BZW2: variants seen among roughly 807,000 people sequenced by gnomAD.
The protein encoded by BZW2 is basic leucine zipper and W2 domains 2, also known as eIF5-mimic protein 1.
A neutral mutation model predicts 53.2 loss-of-function variants in BZW2; 23 were observed. That is an observed-to-expected ratio of 0.43 (90% confidence interval 0.31 to 0.61). The LOEUF (loss-of-function observed/expected upper bound fraction) is 0.61, where lower values mean the gene tolerates loss of function less well. Ranked by LOEUF, BZW2 falls within the 20% of genes least tolerant of loss-of-function variation. BZW2 has a pLI of 0.09. For synonymous variants in BZW2, 227 were observed against 186.4 expected, an observed-to-expected ratio of 1.22 and a Z score of -1.77; for missense variants, 409 against 503.1, an observed-to-expected ratio of 0.81 and a Z score of 1.79.
Position 16,646,204 on chromosome 7 carries a change from T to A in BZW2, c.-92T>A, listed in dbSNP as rs1781855834. The A allele has an allele frequency of 3.0e-5, 8 of 269,650 alleles. No homozygotes were observed. The highest frequency in any genetic ancestry group is 2.3e-4 in the South Asian group (7 of 30,898). 16.7% of individuals were successfully genotyped at this position (269,650 alleles called of 1,614,324 possible). A position where few individuals can be genotyped will look rare whatever the true frequency, so the allele number is the denominator to read the frequency against. ...TCACTCCTCCATTGTCTGCCGCCAC[T>A]GCTGCTGCTGCTGCTGCTGCCGCTG... On this transcript the variant is annotated 5_prime_UTR_variant, in exon 1 of 12. Coordinates refer to ENST00000258761, the MANE Select transcript of BZW2 (RefSeq NM_014038.3).
intron 8 of BZW2, among the ~76,000 whole-genome samples, chr7:16,695,512 C>G (rs1783451827): frequency 6.6e-6 from 1 of 152,166 alleles, no homozygotes; most frequent in Non-Finnish European, 1.5e-5. Flanking sequence ...CCCACTCACA[C>G]TTGGAAGAGC....
At chr7:16,689,506 T>G (rs1324821830) in intron 6 of BZW2, among the ~76,000 whole-genome samples, 3 of 152,158 alleles carry the variant, frequency 2.0e-5, no homozygotes, top group African/African-American at 4.8e-5. Context: ...AGATACTGGG[T>G]GTGAAATATG....
At chr7:16,698,608 A>T (rs541202014) in intron 10 of BZW2, among the ~76,000 whole-genome samples, 1 of 152,250 alleles carries the variant, frequency 6.6e-6, no homozygotes, top group East Asian at 1.9e-4. Context: ...TAGCCTTTTT[A>T]CTTTGTATTT....
At chr7:16,698,538 T>C (rs955414813) in intron 10 of BZW2, among the ~76,000 whole-genome samples, 2 of 152,216 alleles carry the variant, frequency 1.3e-5, no homozygotes, top group African/African-American at 4.8e-5. Context: ...AAATAGTATA[T>C]ATATTATGTT....
At chr7:16,696,559 A>G (rs2128368360) in intron 8 of BZW2, among the ~76,000 whole-genome samples, 1 of 152,210 alleles carries the variant, frequency 6.6e-6, no homozygotes, top group African/African-American at 2.4e-5. Flanking sequence ...AAAGTTCACA[A>G]CGCTGTTGCC....
At chr7:16,672,105 C>T (rs940353476) in intron 2 of BZW2, among the ~76,000 whole-genome samples, 1 of 152,150 alleles carries the variant, frequency 6.6e-6, no homozygotes, top group Non-Finnish European at 1.5e-5. Context: ...CAGATAATTG[C>T]TTTGTTCCCA....
chr7:16,674,359 C>T (rs1162939592), intron 2 of BZW2, 53 bp from the exon 3 acceptor site: 26 of 1,331,316 alleles, frequency 2.0e-5, no homozygotes, highest in Admixed American at 4.5e-5. Context: ...GATTGTTATA[C>T]TCTCAGTATT....
At position 16,678,524 on chromosome 7, in the gene BZW2, C is replaced by T. The variant is rs150315810; in HGVS notation, c.236-2777C>T. On this transcript the variant is annotated intron_variant, in intron 3 of 11. Coordinates refer to ENST00000258761, the MANE Select transcript of BZW2 (RefSeq NM_014038.3). The stretch of plus-strand genomic sequence containing the variant: ...GCAAAAATTTTAATGCAAGATGTAG[C>T]AATATTATTAATATGTAATAAGTGT... Among the ~76,000 whole-genome samples the T allele has an allele frequency of 4.6e-5, 7 of 152,206 alleles. No individual in the cohort carries two copies. In the East Asian group the frequency reaches 1.2e-3, roughly 25 times the overall value.
At chr7:16,658,520 G>A (rs926816569) in intron 1 of BZW2, among the ~76,000 whole-genome samples, 1 of 152,036 alleles carries the variant, frequency 6.6e-6, no homozygotes, top group African/African-American at 2.4e-5. Flanking sequence ...TTTTCTGAAA[G>A]GAGATTTGCA....
chr7:16,667,719 T>A lies in BZW2; in HGVS notation c.58+2218T>A, dbSNP rs144824443. On this transcript the variant is annotated intron_variant, in intron 2 of 11. Transcript: ENST00000258761. Reference sequence around the variant, plus strand: ...AGTAAAATATAAAAATTAAAAAAAATTCAAGTGACCGGAAAATAGTTACTT... The same window carrying A: ...AGTAAAATATAAAAATTAAAAAAAAATCAAGTGACCGGAAAATAGTTACTT... Among the ~76,000 whole-genome samples the A allele has an allele frequency of 1.1e-4, 16 of 152,326 alleles. No homozygotes were observed. In the East Asian group the frequency reaches 2.5e-3, roughly 24 times the overall value.
At chr7:16,666,362 C>G (rs978100803) in intron 2 of BZW2, among the ~76,000 whole-genome samples, 1 of 148,892 alleles carries the variant, frequency 6.7e-6, no homozygotes, top group Admixed American at 6.7e-5. Flanking sequence ...TGGATGTGAG[C>G]CACTGCACCT....
chr7:16,694,984 C>G lies in BZW2; in HGVS notation c.802C>G (p.Gln268Glu). The G allele has an allele frequency of 6.3e-7, 1 of 1,582,438 alleles. No individual in the cohort carries two copies. Among genetic ancestry groups the G allele is most frequent in the Non-Finnish European group, 8.7e-7 (1 of 1,155,534 alleles). The stretch of plus-strand genomic sequence containing the variant: ...GAAGGAGCTCCAGGAGCGTCTTTCT[C>G]AGGAATGCCCGATCAAGGAGGTGGG... ...LQKELQERLS[Q>E]ECPIKEVVLY... The change falls in exon 8 of 12, where the codon CAG (glutamine) becomes GAG (glutamate). Residue 268 changes from glutamine (Q) to glutamate (E), a missense_variant. Gln to Glu is a conservative substitution (Grantham distance 29). Coordinates refer to ENST00000258761, the MANE Select transcript of BZW2 (RefSeq NM_014038.3).
At chr7:16,669,290 TAA>T (rs1256112621) in intron 2 of BZW2, among the ~76,000 whole-genome samples, 2 of 152,058 alleles carry the variant, frequency 1.3e-5, no homozygotes, top group Non-Finnish European at 1.5e-5. Flanking sequence ...CACACCCAGC[TAA>T]GTTTTGTATT....
At chr7:16,695,066 T>G in intron 8 of BZW2, 62 bp downstream of exon 8, 1 of 1,421,422 alleles carries the variant, frequency 7.0e-7, no homozygotes, top group Non-Finnish European at 9.4e-7. Flanking sequence ...ACATGGGCTG[T>G]GTAGCAAAGG....
chr7:16,649,742 T>C (rs1365248358), intron 1 of BZW2, among the ~76,000 whole-genome samples: 1 of 152,210 alleles, frequency 6.6e-6, no homozygotes, highest in Non-Finnish European at 1.5e-5. Flanking sequence ...TTTTAAAAGA[T>C]TACTTATCTT....
chr7:16,699,520 C>T (rs565643730), intron 10 of BZW2, among the ~76,000 whole-genome samples: 4 of 152,232 alleles, frequency 2.6e-5, no homozygotes, highest in South Asian at 4.1e-4. Flanking sequence ...TTTTCCACTA[C>T]GGAAAACCAA....
At chr7:16,685,876 C>CTTTTTTTTTT (rs34699573) in intron 5 of BZW2, 29 bp from the exon 6 acceptor site, 225 of 1,294,550 alleles carry the variant, frequency 1.7e-4, no homozygotes, top group South Asian at 8.4e-4. Flanking sequence ...TTTTCTTTTT[C>CTTTTTTTTTT]TTTTTTTTTT....
chr7:16,656,461 A>G (rs1466200799), intron 1 of BZW2, among the ~76,000 whole-genome samples: 1 of 151,912 alleles, frequency 6.6e-6, no homozygotes, highest in Non-Finnish European at 1.5e-5. Context: ...TGTTTTTCCA[A>G]TATGTAGTTA....
At chr7:16,677,945 A>T (rs77882534) in intron 3 of BZW2, among the ~76,000 whole-genome samples, 2 of 152,286 alleles carry the variant, frequency 1.3e-5, no homozygotes, top group East Asian at 3.9e-4. Context: ...GGTATAAGCT[A>T]TGCAACACCA....
Sources: gnomAD v4.1 joint callset for allele counts (sites outside exome capture counted in the v4.1 genomes callset) on GRCh38, gnomAD v4.1.1 for gene constraint, MANE v1.5 for transcripts, NCBI Gene and HGNC (gene_info 2026-07-23, HGNC 2026-07-21) for gene names.